Variants in NKAIN2 observed in about 807,000 individuals in gnomAD.
NKAIN2 encodes the protein sodium/potassium transporting ATPase interacting 2, also known as sodium/potassium-transporting ATPase subunit beta-1-interacting protein 2.
Under a neutral mutation model 32.6 loss-of-function variants are expected in NKAIN2, and 14 were observed. The ratio of observed to expected loss-of-function variants is 0.43; its 90% CI spans 0.28 to 0.67. The LOEUF is 0.67. Ranked by LOEUF, NKAIN2 falls within the 30% of genes least tolerant of loss-of-function variation. The pLI is 0.17. For missense variants in NKAIN2, 198 were observed against 258.3 expected, an observed-to-expected ratio of 0.77 and a Z score of 1.60; for synonymous variants, 80 against 87.2, an observed-to-expected ratio of 0.92 and a Z score of 0.46.
chr6:124,651,887 ATG>A (rs1355926350), intron 3 of NKAIN2, among the ~76,000 whole-genome samples: 1 of 152,166 alleles, frequency 6.6e-6, no homozygotes, highest in Non-Finnish European at 1.5e-5. Context: ...TCCTTATCAA[ATG>A]TGTACTTGGC....
intron 3 of NKAIN2, among the ~76,000 whole-genome samples, chr6:124,642,022 T>C (rs184251362): frequency 2.0e-5 from 3 of 152,316 alleles, no homozygotes; most frequent in Admixed American, 2.0e-4. Context: ...GGTGTCATAT[T>C]GAATTATGAT....
intron 3 of NKAIN2, among the ~76,000 whole-genome samples, chr6:124,539,119 G>A (rs1779818866): frequency 1.3e-5 from 2 of 152,080 alleles, no homozygotes; most frequent in East Asian, 3.9e-4. Context: ...ACACTAAGTA[G>A]AGATTCAGAA....
chr6:124,535,370 A>T (rs555522792), intron 3 of NKAIN2, among the ~76,000 whole-genome samples: 77 of 152,314 alleles, frequency 5.1e-4, no homozygotes, highest in Admixed American at 1.8e-3. Flanking sequence ...TTGTAGTTCA[A>T]TTTACTAGTT....
chr6:124,358,956 G>T (rs1181792172), intron 3 of NKAIN2, among the ~76,000 whole-genome samples: 1 of 151,128 alleles, frequency 6.6e-6, no homozygotes, highest in Admixed American at 6.6e-5. Context: ...TGTATAAGGT[G>T]TAAGGAAGGG....
intron 2 of NKAIN2, among the ~76,000 whole-genome samples, chr6:124,286,685 T>C (rs373859294): frequency 0.055 from 7,292 of 133,634 alleles, 373 homozygotes; most frequent in African/African-American, 0.19. Flanking sequence ...CGCGCGCGTG[T>C]GTGTGTGTGT....
intron 1 of NKAIN2, among the ~76,000 whole-genome samples, chr6:124,128,223 G>T (rs937963806): frequency 3.9e-5 from 6 of 152,184 alleles, no homozygotes; most frequent in African/African-American, 1.4e-4. Context: ...GACATCTGAT[G>T]CTGTTGTTAG....
At chr6:123,824,505 A>G (rs1054465376) in intron 1 of NKAIN2, among the ~76,000 whole-genome samples, 1 of 152,126 alleles carries the variant, frequency 6.6e-6, no homozygotes, top group South Asian at 2.1e-4. Context: ...GGAGGGTACC[A>G]TCAGCTCCTA....
At chr6:123,849,512 G>A (rs182908375) in intron 1 of NKAIN2, among the ~76,000 whole-genome samples, 5 of 152,262 alleles carry the variant, frequency 3.3e-5, no homozygotes, top group East Asian at 1.9e-4. Flanking sequence ...GTCTTTGTAC[G>A]TCCCTACCCC....
At chr6:124,035,026 G>A (rs988538079) in intron 1 of NKAIN2, among the ~76,000 whole-genome samples, 1 of 151,942 alleles carries the variant, frequency 6.6e-6, no homozygotes, top group Non-Finnish European at 1.5e-5. Flanking sequence ...TAGCATGACT[G>A]GACCTCATAT....
At chr6:123,818,193 GT>G (rs1191645224) in intron 1 of NKAIN2, among the ~76,000 whole-genome samples, 1 of 152,134 alleles carries the variant, frequency 6.6e-6, no homozygotes, top group Non-Finnish European at 1.5e-5. Flanking sequence ...TATAATTATT[GT>G]TGACATGCAG....
chr6:124,378,300 A>G (rs555777308), intron 3 of NKAIN2, among the ~76,000 whole-genome samples: 3 of 152,238 alleles, frequency 2.0e-5, no homozygotes, highest in African/African-American at 7.2e-5. Flanking sequence ...ATGGTGTGTC[A>G]TTTCTCAAGG....
intron 4 of NKAIN2, among the ~76,000 whole-genome samples, chr6:124,759,107 T>C (rs1053742029): frequency 6.6e-6 from 1 of 152,166 alleles, no homozygotes; most frequent in Non-Finnish European, 1.5e-5. Flanking sequence ...GCCCCTAGCA[T>C]TAGCCCGAGA....
intron 2 of NKAIN2, among the ~76,000 whole-genome samples, chr6:124,290,961 T>TA (rs1795786528): frequency 6.6e-6 from 1 of 152,142 alleles, no homozygotes; most frequent in Admixed American, 6.6e-5. Flanking sequence ...CAAGCCCTAT[T>TA]ATACATCTAT....
intron 1 of NKAIN2, among the ~76,000 whole-genome samples, chr6:123,897,553 A>C (rs1423646192): frequency 6.6e-6 from 1 of 152,142 alleles, no homozygotes; most frequent in Non-Finnish European, 1.5e-5. Context: ...CCTTGGACTG[A>C]TAACACTGGG....
At chr6:124,248,993 A>G (rs1793558135) in intron 1 of NKAIN2, among the ~76,000 whole-genome samples, 1 of 152,210 alleles carries the variant, frequency 6.6e-6, no homozygotes, top group Non-Finnish European at 1.5e-5. Flanking sequence ...ACAGGCAAGT[A>G]GCAGAAATGT....
intron 3 of NKAIN2, among the ~76,000 whole-genome samples, chr6:124,511,777 C>T (rs1472495488): frequency 1.3e-5 from 2 of 151,980 alleles, no homozygotes; most frequent in African/African-American, 4.8e-5. Context: ...CCTTGTGCTC[C>T]CTAGGTTTCA....
rs577268295 is a variant in NKAIN2 at position 124,821,362 on chromosome 6, A to G, written c.618-1858A>G. 1.7e-4 allele frequency among the ~76,000 whole-genome samples: 26 copies of G among 152,274 alleles called. No individual in the cohort carries two copies. In the Middle Eastern group the frequency reaches 0.017, roughly 100 times the overall value. On this transcript the variant is annotated intron_variant, in intron 6 of 6. Transcript: ENST00000368417. ...AATTGCTTGCTACTAATAATATTAC[A>G]TAATATTTTACTGTATTGGCCAATA...
chr6:124,586,859 G>A (rs974382083), intron 3 of NKAIN2, among the ~76,000 whole-genome samples: 16 of 152,232 alleles, frequency 1.1e-4, no homozygotes, highest in African/African-American at 3.6e-4. Flanking sequence ...AAATAAAAAG[G>A]GACAAACTGA....
intron 3 of NKAIN2, among the ~76,000 whole-genome samples, chr6:124,613,595 C>T (rs1782774338): frequency 6.6e-6 from 1 of 152,112 alleles, no homozygotes; most frequent in African/African-American, 2.4e-5. Flanking sequence ...TAAATCAGCA[C>T]TTAGGGCAGG....
Sources: gnomAD v4.1 joint callset for allele counts (sites outside exome capture counted in the v4.1 genomes callset) on GRCh38, gnomAD v4.1.1 for gene constraint, MANE v1.5 for transcripts, NCBI Gene and HGNC (gene_info 2026-07-23, HGNC 2026-07-21) for gene names.